The following ASPG variants were observed in gnomAD, a reference collection of about 807,000 sequenced individuals.
ASPG encodes 60 kDa lysophospholipase.
In ASPG, 53 loss-of-function variants were observed where a neutral mutation model predicts 63.2. That is an observed-to-expected ratio of 0.84 (90% CI 0.67 to 1.05). The LOEUF (loss-of-function observed/expected upper bound fraction) is 1.05, where lower values mean the gene tolerates loss of function less well. ASPG is among the 50% of genes least tolerant of loss of function. ASPG has a pLI of 0.00. For synonymous variants in ASPG, 370 were observed against 355.0 expected (o/e 1.04, Z -0.48); for missense variants, 741 against 794.4 (o/e 0.93, Z 0.81).
intron 1 of ASPG, among the ~76,000 whole-genome samples, chr14:104,088,628 C>T (rs888868154): frequency 2.6e-5 from 4 of 152,188 alleles, no homozygotes; most frequent in East Asian, 1.9e-4. Context: ...GGTGACCACA[C>T]GGGTCCCAGC....
Position 104,107,218 on chromosome 14 carries a change from A to G in ASPG, c.1306A>G (p.Thr436Ala), listed in dbSNP as rs1420628431. The G allele has an allele frequency of 6.3e-7, 1 of 1,597,032 alleles. No individual in the cohort carries two copies. The highest frequency in any genetic ancestry group is 1.7e-5 in the Admixed American group (1 of 58,076). ...DLGLVDFNGQ[T>A]PLHAAARGGH... ...GGGCCTGGTGGACTTTAACGGCCAA[A>G]CCCCACTGCACGCGGCCGCCCGGGG... Residue 436 changes from threonine to alanine, a missense_variant, in exon 12 of 16, where the codon ACC (threonine) becomes GCC (alanine). Transcript: ENST00000551177.
intron 6 of ASPG, among the ~76,000 whole-genome samples, chr14:104,103,164 G>A (rs535871223): frequency 3.4e-4 from 52 of 152,354 alleles, no homozygotes; most frequent in African/African-American, 1.1e-3. Context: ...TGCCCTCCTC[G>A]CCTCTGCGCT....
At chr14:104,093,456 C>G in intron 2 of ASPG, 35 bp from the exon 3 acceptor site, 1 of 1,549,424 alleles carries the variant, frequency 6.5e-7, no homozygotes, top group Non-Finnish European at 8.9e-7. Flanking sequence ...GAGCGGGAGC[C>G]TGCTGTTCCG....
In ASPG at chr14:104,091,353, G is replaced by T. The variant is rs2036360279; in HGVS notation, c.83-1280G>T. Reference sequence around the variant, plus strand: ...CCCGTGTCCTGGCTGTGCTCTGGGCGCCTCGGAGGGCAGACGGGCAGACAA... The same window carrying T: ...CCCGTGTCCTGGCTGTGCTCTGGGCTCCTCGGAGGGCAGACGGGCAGACAA... On this transcript the variant is annotated intron_variant, in intron 1 of 15. Coordinates refer to ENST00000551177, the MANE Select transcript of ASPG (RefSeq NM_001080464.3). The surrounding 1 kb of genome is among the most constrained non-coding windows in gnomAD (Gnocchi z 6.4). Among the ~76,000 whole-genome samples the T allele has an allele frequency of 6.6e-6, 1 of 152,104 alleles. No individual in the cohort carries two copies. Among genetic ancestry groups the T allele is most frequent in the Non-Finnish European group, 1.5e-5 (1 of 68,020 alleles).
Position 104,097,585 on chromosome 14 carries a change from G to A in ASPG, c.461G>A (p.Arg154His), listed in dbSNP as rs765497573. 1.9e-5 allele frequency: 29 copies of A among 1,561,296 alleles called. No homozygotes were observed. Among genetic ancestry groups the A allele is most frequent in the Middle Eastern group, 1.7e-4 (1 of 5,870 alleles). The change falls in exon 5 of 16, where the codon CGT becomes CAT. Residue 154 changes from arginine to histidine, a missense_variant. By Grantham distance (29) the Arg-to-His change is conservative. Coordinates refer to ENST00000551177, the MANE Select transcript of ASPG (RefSeq NM_001080464.3). ...ATCCATGCCCTGTGGAGCGACGGCC[G>A]TGAGAACCTGCTGGGGGCACTGCTC... ...VPIHALWSDG[R>H]ENLLGALLMA... is the part of the protein sequence containing the mutation.
rs964641929 is a variant in ASPG at position 104,114,235 on chromosome 14, C to A, written c.*1691C>A. Reference sequence around the variant, plus strand: ...CCAGTGTAGACACACCGACTGATGCCGGGGGTGAGTGTCCTGTAGTGTAGA... The same window carrying A: ...CCAGTGTAGACACACCGACTGATGCAGGGGGTGAGTGTCCTGTAGTGTAGA... On this transcript the variant is annotated 3_prime_UTR_variant, in exon 16 of 16. Coordinates refer to ENST00000551177, the MANE Select transcript of ASPG (RefSeq NM_001080464.3). The A allele has an allele frequency of 2.0e-5, 3 of 152,280 alleles. No homozygotes were observed. The highest frequency in any genetic ancestry group is 7.2e-5 in the African/African-American group (3 of 41,460). The allele number at this position is 152,280 out of a possible 1,614,324, so 9.4% of individuals were successfully genotyped here. A position where few individuals can be genotyped will look rare whatever the true frequency, so the allele number is the denominator to read the frequency against.
At position 104,114,539 on chromosome 14, in the gene ASPG, C is replaced by G. The variant is rs528587712; in HGVS notation, c.*1995C>G. The G allele has an allele frequency of 6.6e-6, 1 of 152,222 alleles. No homozygotes were observed. Among genetic ancestry groups the G allele is most frequent in the African/African-American group, 2.4e-5 (1 of 41,412 alleles). 9.4% of individuals were successfully genotyped at this position (152,222 alleles called of 1,614,324 possible). A position where few individuals can be genotyped will look rare whatever the true frequency, so the allele number is the denominator to read the frequency against. On this transcript the variant is annotated 3_prime_UTR_variant, in exon 16 of 16. Transcript: ENST00000551177. The stretch of plus-strand genomic sequence containing the variant: ...TGAGTCTGGGAGCTTTCTCGGGGGC[C>G]GTTTTGTGCCCCTTGGGGAGAGGCC...
rs1054142874 is a variant in ASPG at position 104,109,561 on chromosome 14, C to T, written c.1520+246C>T. Among the ~76,000 whole-genome samples, 10 of 151,428 alleles carry T rather than the reference C, an allele frequency of 6.6e-5. No individual in the cohort carries two copies. Among genetic ancestry groups the T allele is most frequent in the African/African-American group, 2.4e-4 (10 of 41,084 alleles). On this transcript the variant is annotated intron_variant, in intron 13 of 15. Coordinates refer to ENST00000551177, the MANE Select transcript of ASPG (RefSeq NM_001080464.3). This position sits in a 1 kb window ranked among gnomAD's most constrained non-coding sequence, Gnocchi z 4.8. ...AGTCCAGCAAGGGTGTCTCTGTGTGCACATGTGTGCATGTGTGTATGCATG... is the reference window on the plus strand; with the variant it reads ...AGTCCAGCAAGGGTGTCTCTGTGTGTACATGTGTGCATGTGTGTATGCATG...
At position 104,111,958 on chromosome 14, in the gene ASPG, A is replaced by G. The variant is rs1243758406; in HGVS notation, c.1659A>G (p.Leu553=). The part of the protein sequence containing the change: ...AAGNLAVVAF[L]QSLEGAVGAQ... ...GGAACCTGGCAGTGGTGGCCTTTCT[A>G]CAGAGCCTGGAGGGTGCGGTTGGTG... The change falls in exon 15 of 16, where the codon CTA becomes CTG. Residue 553 remains leucine, a synonymous_variant. Transcript: ENST00000551177. 5 of 1,558,202 alleles carry G rather than the reference A, an allele frequency of 3.2e-6. 1 individual carries two copies. In the South Asian group the frequency reaches 4.7e-5, roughly 15 times the overall value.
Position 104,110,297 on chromosome 14 carries a change from C to T in ASPG, c.1520+982C>T. On this transcript the variant is annotated intron_variant, in intron 13 of 15. Coordinates refer to ENST00000551177, the MANE Select transcript of ASPG (RefSeq NM_001080464.3). This position sits in a 1 kb window ranked among gnomAD's most constrained non-coding sequence, Gnocchi z 4.7. ...GGGGTGGGTGCAGGCGCCTGCCCAG[C>T]AGGAGGAGGACTAGCAGCTCTGGCT... 1.0e-6 allele frequency: 1 copy of T among 985,270 alleles called. No individual in the cohort carries two copies. Among genetic ancestry groups the T allele is most frequent in the Non-Finnish European group, 1.2e-6 (1 of 829,888 alleles). The allele number at this position is 985,270 out of a possible 1,614,324, so 61.0% of individuals were successfully genotyped here. A position where few individuals can be genotyped will look rare whatever the true frequency, so the allele number is the denominator to read the frequency against.
chr14:104,101,385 C>T (rs1744296), intron 6 of ASPG, among the ~76,000 whole-genome samples: 66,533 of 151,972 alleles, frequency 0.44, 16,205 homozygotes, highest in African/African-American at 0.66. Context: ...GCTTTTTACC[C>T]ACTGTCTGGG....
At chr14:104,095,226 G>A (rs566980965) in intron 3 of ASPG, among the ~76,000 whole-genome samples, 3 of 152,326 alleles carry the variant, frequency 2.0e-5, no homozygotes, top group African/African-American at 7.2e-5. Flanking sequence ...ATGGAGAGGC[G>A]CTCTCCCGCC....
chr14:104,105,045 G>A lies in ASPG; in HGVS notation c.1051-283G>A, dbSNP rs983238939. 5.0e-5 allele frequency: 29 copies of A among 583,616 alleles called. No individual in the cohort carries two copies. The African/African-American group carries it at 5.3e-4, about 11-fold the overall frequency. 36.2% of individuals were successfully genotyped at this position (583,616 alleles called of 1,614,324 possible). A position where few individuals can be genotyped will look rare whatever the true frequency, so the allele number is the denominator to read the frequency against. On this transcript the variant is annotated intron_variant, in intron 9 of 15. Transcript: ENST00000551177. ...TCCTGCTCTCCACTCTTCCTCGAGGGTGGGGTTCAGACACAGCTGGCCCCA... is the reference window on the plus strand; with the variant it reads ...TCCTGCTCTCCACTCTTCCTCGAGGATGGGGTTCAGACACAGCTGGCCCCA...
In ASPG at chr14:104,106,809, C is replaced by T; in HGVS notation, c.1184C>T (p.Ala395Val). 1 of 1,597,552 alleles carries T rather than the reference C, an allele frequency of 6.3e-7. No individual in the cohort carries two copies. The highest frequency in any genetic ancestry group is 8.5e-7 in the Non-Finnish European group (1 of 1,173,582). ...LSLSGSQEAD[A>V]LRNALVPSLA... is the part of the protein sequence containing the mutation. ...GCCTTCCCCACCTAGGAGGCAGATG[C>T]CCTGCGGAATGCCCTGGTGCCCAGC... The change falls in exon 11 of 16, where the codon GCC (alanine) becomes GTC (valine). Residue 395 changes from alanine (A) to valine (V), a missense_variant. Coordinates refer to ENST00000551177, the MANE Select transcript of ASPG (RefSeq NM_001080464.3).
At chr14:104,096,764 A>G (rs1478720076) in intron 4 of ASPG, among the ~76,000 whole-genome samples, 1 of 152,162 alleles carries the variant, frequency 6.6e-6, no homozygotes, top group Non-Finnish European at 1.5e-5. Flanking sequence ...CTTACAGGCT[A>G]GGGGCTCACC....
intron 6 of ASPG, among the ~76,000 whole-genome samples, chr14:104,099,314 C>G (rs1212276587): frequency 6.6e-6 from 1 of 152,232 alleles, no homozygotes; most frequent in Non-Finnish European, 1.5e-5. Flanking sequence ...GGCTCTGCCA[C>G]ACCTCTGTGT....
At chr14:104,111,754 C>T in intron 14 of ASPG, 153 bp downstream of exon 14, 1 of 917,102 alleles carries the variant, frequency 1.1e-6, no homozygotes, top group Non-Finnish European at 1.6e-6. Context: ...CAGACTGGGT[C>T]CCCTTCCCGG....
chr14:104,103,732 C>A, intron 7 of ASPG, 57 bp downstream of exon 7: 2 of 1,448,680 alleles, frequency 1.4e-6, no homozygotes, highest in South Asian at 1.3e-5. Context: ...CCCTCTGCAG[C>A]TCCCACGGCC....
intron 3 of ASPG, among the ~76,000 whole-genome samples, chr14:104,093,962 G>A (rs1490127044): frequency 6.6e-6 from 1 of 151,746 alleles, no homozygotes; most frequent in Non-Finnish European, 1.5e-5. Flanking sequence ...GTGGGTATGG[G>A]CGGGGCTGGT....
Sources: gnomAD v4.1 joint callset for allele counts (sites outside exome capture counted in the v4.1 genomes callset) on GRCh38, gnomAD v4.1.1 for gene constraint, Gnocchi (gnomAD v3.1) non-coding constraint, MANE v1.5 for transcripts, NCBI Gene and HGNC (gene_info 2026-07-23, HGNC 2026-07-21) for gene names.